Variants in MALRD1 observed in about 807,000 individuals in gnomAD.
MALRD1 encodes the protein MAM and LDL receptor class A domain containing 1, also known as MAM and LDL-receptor class A domain-containing protein 1.
MALRD1 carries 247 observed loss-of-function variants against 242.1 expected under a neutral mutation model. The ratio of observed to expected loss-of-function variants is 1.02; its 90% CI spans 0.92 to 1.13. The LOEUF (loss-of-function observed/expected upper bound fraction) is 1.13, where lower values mean the gene tolerates loss of function less well. MALRD1 is among the 50% of genes most tolerant of loss of function. The probability of loss-of-function intolerance (pLI) is 0.00; values close to 1 mark genes in which losing one functional copy is unlikely to be tolerated. For missense variants in MALRD1, 2,989 were observed against 2,533.1 expected (o/e 1.18, Z -3.86); for synonymous variants, 995 against 866.6 (o/e 1.15, Z -2.60).
intron 32 of MALRD1, among the ~76,000 whole-genome samples, chr10:19,558,687 T>C (rs1254812948): frequency 6.6e-6 from 1 of 152,152 alleles, no homozygotes; most frequent in Admixed American, 6.5e-5. Flanking sequence ...TGTTGGTCTG[T>C]AGTTTTCCTT....
intron 36 of MALRD1, among the ~76,000 whole-genome samples, chr10:19,630,842 GC>G (rs1172284948): frequency 6.6e-6 from 1 of 151,956 alleles, no homozygotes; most frequent in Non-Finnish European, 1.5e-5. Context: ...ACAAGTATTT[GC>G]CTATATTTTT....
rs1190451975 is a variant in MALRD1 at position 19,332,984 on chromosome 10, G to A, written c.3901+1402G>A. On this transcript the variant is annotated intron_variant, in intron 24 of 39. Transcript: ENST00000454679. ...TGTTTGCTGCACCCATCAACATTAG[G>A]TGTTTCTCCTAATGCTATCCCTCCC... Among the ~76,000 whole-genome samples, 15 of 152,006 alleles carry A rather than the reference G, an allele frequency of 9.9e-5. 1 individual carries two copies. Among genetic ancestry groups the A allele is most frequent in the Admixed American group, 9.8e-4 (15 of 15,250 alleles).
Position 19,323,967 on chromosome 10 carries a change from G to A in MALRD1, c.3438G>A (p.Trp1146Ter), listed in dbSNP as rs1843007518. The A allele has an allele frequency of 1.3e-6, 2 of 1,550,540 alleles. No individual in the cohort carries two copies. The highest frequency in any genetic ancestry group is 4.9e-5 in the East Asian group (2 of 40,918). The change falls in exon 22 of 40, where the codon TGG becomes TGA. Residue 1146 changes from tryptophan (W) to a stop codon, truncating the protein, a stop_gained. Transcript: ENST00000454679. LOFTEE classifies it high-confidence loss of function. Reference sequence around the variant, plus strand: ...TTTCCAGAAATACCACTGATGGCTGGTACCTGTATGCTGACAGTTCTAATG... The same window carrying A: ...TTTCCAGAAATACCACTGATGGCTGATACCTGTATGCTGACAGTTCTAATG... ...VDHTQNTTDG[W>*]YLYADSSNGK...
At chr10:19,659,846 A>G (rs1434741906) in intron 36 of MALRD1, among the ~76,000 whole-genome samples, 1 of 152,094 alleles carries the variant, frequency 6.6e-6, no homozygotes, top group Non-Finnish European at 1.5e-5. Flanking sequence ...TCCACACTCT[A>G]CTGAGGTAGA....
chr10:19,161,375 G>T (rs1834392335), intron 12 of MALRD1, among the ~76,000 whole-genome samples: 1 of 74,164 alleles, frequency 1.3e-5, no homozygotes, highest in African/African-American at 5.0e-5. Flanking sequence ...AGGGGGGAGG[G>T]ATAGCATTGG....
intron 36 of MALRD1, among the ~76,000 whole-genome samples, chr10:19,673,938 T>C (rs1010961660): frequency 3.9e-5 from 6 of 152,020 alleles, no homozygotes; most frequent in Non-Finnish European, 7.4e-5. Context: ...TCTGGGTGCA[T>C]GTGTGTGTGC....
intron 29 of MALRD1, among the ~76,000 whole-genome samples, chr10:19,471,788 A>G (rs187414466): frequency 4.0e-5 from 6 of 151,878 alleles, no homozygotes; most frequent in African/African-American, 1.4e-4. Context: ...GCAACTTTAC[A>G]AAATTTGTTT....
intron 28 of MALRD1, among the ~76,000 whole-genome samples, chr10:19,448,241 C>G (rs1482301041): frequency 6.6e-6 from 1 of 151,948 alleles, no homozygotes; most frequent in African/African-American, 2.4e-5. Flanking sequence ...CATTTCATAC[C>G]TATATGCTAT....
chr10:19,136,564 C>G lies in MALRD1; in HGVS notation c.1204-10C>G. ...TGCAAACTCATAAATTAATCTTTTC[C>G]TTCCTAAAGATTATTTTTGAAGGGA... On this transcript the variant is annotated splice_polypyrimidine_tract_variant and intron_variant, in intron 9 of 39. Coordinates refer to ENST00000454679, the MANE Select transcript of MALRD1 (RefSeq NM_001142308.3). 8.2e-7 allele frequency: 1 copy of G among 1,218,098 alleles called. No individual in the cohort carries two copies. The highest frequency in any genetic ancestry group is 4.2e-5 in the South Asian group (1 of 24,032). The allele number at this position is 1,218,098 out of a possible 1,614,324, so 75.5% of individuals were successfully genotyped here.
intron 36 of MALRD1, among the ~76,000 whole-genome samples, chr10:19,627,562 C>T (rs1023205484): frequency 4.0e-5 from 6 of 151,530 alleles, no homozygotes; most frequent in African/African-American, 1.5e-4. Flanking sequence ...ATGATGAAAC[C>T]CCATCTCTTC....
intron 33 of MALRD1, among the ~76,000 whole-genome samples, chr10:19,574,615 G>A (rs189362292): frequency 2.6e-4 from 40 of 152,302 alleles, no homozygotes; most frequent in Admixed American, 1.4e-3. Context: ...GGAGAGCTTG[G>A]TCTAAACTAT....
chr10:19,402,060 A>G (rs1296449265), intron 28 of MALRD1, among the ~76,000 whole-genome samples: 4 of 152,086 alleles, frequency 2.6e-5, no homozygotes, highest in African/African-American at 9.7e-5. Flanking sequence ...CTCAAAACCA[A>G]TTTTTGTCCC....
At chr10:19,576,708 C>T (rs1057294270) in intron 33 of MALRD1, among the ~76,000 whole-genome samples, 12 of 152,138 alleles carry the variant, frequency 7.9e-5, no homozygotes, top group African/African-American at 2.9e-4. Flanking sequence ...TGATTTTAGT[C>T]CTACCACTTC....
chr10:19,596,219 T>G (rs927048203), intron 34 of MALRD1, among the ~76,000 whole-genome samples: 1 of 152,158 alleles, frequency 6.6e-6, no homozygotes, highest in Admixed American at 6.6e-5. Flanking sequence ...ACACACATCT[T>G]AAAGTGAGTA....
At chr10:19,672,140 C>T (rs944285182) in intron 36 of MALRD1, among the ~76,000 whole-genome samples, 1 of 152,030 alleles carries the variant, frequency 6.6e-6, no homozygotes, top group Non-Finnish European at 1.5e-5. Flanking sequence ...CACCTCCAGC[C>T]GCATCTTCAC....
chr10:19,650,810 C>T (rs958668118), intron 36 of MALRD1, among the ~76,000 whole-genome samples: 5 of 152,220 alleles, frequency 3.3e-5, no homozygotes, highest in African/African-American at 1.2e-4. Context: ...AGCTCAGGCT[C>T]TCCGAGCTGC....
intron 28 of MALRD1, among the ~76,000 whole-genome samples, chr10:19,414,665 G>T (rs75674531): frequency 0.012 from 1,895 of 152,222 alleles, 25 homozygotes; most frequent in East Asian, 0.053. Flanking sequence ...ATGTAATAGT[G>T]ACTTCACGGA....
chr10:19,654,281 C>CA (rs372175892), intron 36 of MALRD1, among the ~76,000 whole-genome samples: 3 of 148,440 alleles, frequency 2.0e-5, no homozygotes, highest in Admixed American at 6.6e-5. Flanking sequence ...ACAATTTTAT[C>CA]AAAAAAGTGG....
At chr10:19,609,867 A>G (rs1312067543) in intron 35 of MALRD1, among the ~76,000 whole-genome samples, 2 of 152,022 alleles carry the variant, frequency 1.3e-5, no homozygotes, top group South Asian at 2.1e-4. Context: ...TTGAAGGAGA[A>G]TTAGGAAAGG....
Sources: gnomAD v4.1 joint callset for allele counts (sites outside exome capture counted in the v4.1 genomes callset) on GRCh38, gnomAD v4.1.1 for gene constraint, MANE v1.5 for transcripts, NCBI Gene and HGNC (gene_info 2026-07-23, HGNC 2026-07-21) for gene names.